SYNM: variants seen among roughly 807,000 people sequenced by gnomAD.
The protein encoded by SYNM is synemin, also known as desmuslin.
SYNM carries 95 observed loss-of-function variants against 104.0 expected under a neutral mutation model. The ratio of observed to expected loss-of-function variants is 0.91; its 90% CI spans 0.77 to 1.08. The LOEUF is 1.08. SYNM is among the 50% of genes least tolerant of loss of function. SYNM has a pLI of 0.00. For synonymous variants in SYNM, 918 were observed against 869.0 expected (o/e 1.06, Z -0.99); for missense variants, 2,150 against 2,052.2 (o/e 1.05, Z -0.92).
chr15:99,127,026 G>T (rs2067454418), intron 3 of SYNM, among the ~76,000 whole-genome samples: 1 of 152,206 alleles, frequency 6.6e-6, no homozygotes, highest in South Asian at 2.1e-4. Context: ...CTCTCGACAG[G>T]ATGCAGGAGC....
downstream of SYNM, chr15:99,137,862 G>T: frequency 7.8e-7 from 1 of 1,290,078 alleles, no homozygotes; most frequent in Non-Finnish European, 1.1e-6. Context: ...GGAGGCTTAT[G>T]GTCTCACTGT....
chr15:99,132,838 C>T lies in SYNM; in HGVS notation c.4478C>T (p.Ala1493Val), dbSNP rs372660853. 131 of 1,613,864 alleles carry T rather than the reference C, an allele frequency of 8.1e-5. 1 individual carries two copies. The highest frequency in any genetic ancestry group is 1.8e-4 in the South Asian group (16 of 91,046). ...GVSDRGSWRD[A>V]DSRNDQAVGV... ...TCTGACCGTGGTTCCTGGAGAGACG[C>T]GGACAGTAGGAATGACCAGGCAGTT... The change falls in exon 4 of 4, where the codon GCG (alanine) becomes GTG (valine). Residue 1493 changes from alanine to valine, a missense_variant. Physicochemically the swap from Ala to Val is moderately conservative, Grantham distance 64. Transcript: ENST00000336292.
chr15:99,105,996 C>T lies in SYNM; in HGVS notation c.797C>T (p.Ala266Val), dbSNP rs140039713. 4.2e-3 allele frequency: 6,144 copies of T among 1,476,488 alleles called. 23 individuals carry two copies. The highest frequency in any genetic ancestry group is 0.028 in the Middle Eastern group (115 of 4,146). The allele number at this position is 1,476,488 out of a possible 1,614,324, so 91.5% of individuals were successfully genotyped here. A position where few individuals can be genotyped will look rare whatever the true frequency, so the allele number is the denominator to read the frequency against. The change falls in exon 1 of 4, where the codon GCC (alanine) becomes GTC (valine). Residue 266 changes from alanine to valine, a missense_variant. Ala to Val is a moderately conservative substitution (Grantham distance 64). Coordinates refer to ENST00000336292, the MANE Select transcript of SYNM (RefSeq NM_145728.3). ...LRMREEYGIQ[A>V]EERQRVIDCL... The stretch of plus-strand genomic sequence containing the variant: ...ATGCGCGAGGAGTACGGGATACAGG[C>T]CGAGGAGCGGCAGGTCCGTGCGCGG...
rs1555485437 is a variant in SYNM, at chr15:99,129,642, T to C, written c.1282T>C (p.Phe428Leu). ...CAGCAGTCAAACCAACGTCAGAACTTTCTCTCCAACCTATGGCCTTTTAAG... is the reference window on the plus strand; with the variant it reads ...CAGCAGTCAAACCAACGTCAGAACTCTCTCTCCAACCTATGGCCTTTTAAG... ...AVSSQTNVRT[F>L]SPTYGLLRNT... Residue 428 changes from phenylalanine to leucine, a missense_variant, in exon 4 of 4, where the codon TTC becomes CTC. Physicochemically the swap from Phe to Leu is conservative, Grantham distance 22. Transcript: ENST00000336292. 3 of 1,613,804 alleles carry C rather than the reference T, an allele frequency of 1.9e-6. No homozygotes were observed. In the African/African-American group the frequency reaches 4.0e-5, roughly 22 times the overall value.
At chr15:99,128,201 A>G (rs1419501723) in intron 3 of SYNM, among the ~76,000 whole-genome samples, 2 of 152,230 alleles carry the variant, frequency 1.3e-5, no homozygotes, top group African/African-American at 4.8e-5. Context: ...AAATATACAG[A>G]TAAGTTCCTA....
chr15:99,130,037 G>A lies in SYNM; in HGVS notation c.1677G>A (p.Glu559=), dbSNP rs782263052. ...AGAGAGAAAGCCAGCAGATGAAGGA[G>A]AAGGCTAAGGAGAAGGACTCACCGA... ...ARQRESQQMK[E]KAKEKDSPKE... Residue 559 remains glutamate, a synonymous_variant, in exon 4 of 4, where the codon GAG becomes GAA. Coordinates refer to ENST00000336292, the MANE Select transcript of SYNM (RefSeq NM_145728.3). 1.9e-6 allele frequency: 3 copies of A among 1,613,770 alleles called. No homozygotes were observed. The highest frequency in any genetic ancestry group is 2.5e-6 in the Non-Finnish European group (3 of 1,179,862).
chr15:99,106,042 A>G, intron 1 of SYNM, 33 bp downstream of exon 1: 8 of 1,407,088 alleles, frequency 5.7e-6, no homozygotes, highest in Non-Finnish European at 6.4e-6. Context: ...CTGACCCCAT[A>G]CCCGCTGCCG....
At chr15:99,111,627 C>G (rs150223943) in intron 1 of SYNM, among the ~76,000 whole-genome samples, 1 of 152,192 alleles carries the variant, frequency 6.6e-6, no homozygotes. Context: ...GCTTTAAAAG[C>G]TAAGGGGTTT....
At chr15:99,126,580 C>T (rs2151807465) in intron 2 of SYNM, 142 bp from the exon 3 acceptor site, 1 of 858,186 alleles carries the variant, frequency 1.2e-6, no homozygotes, top group Non-Finnish European at 1.8e-6. Flanking sequence ...ATGGTGCAGC[C>T]CTGCCCAAGT....
chr15:99,132,861 G>T lies in SYNM; in HGVS notation c.4501G>T (p.Val1501Phe), dbSNP rs369983754. The T allele has an allele frequency of 6.2e-7, 1 of 1,614,010 alleles. No individual in the cohort carries two copies. The highest frequency in any genetic ancestry group is 1.3e-5 in the African/African-American group (1 of 75,066). ...RDADSRNDQA[V>F]GVSFKASAGE... is the part of the protein sequence containing the mutation. ...CGCGGACAGTAGGAATGACCAGGCA[G>T]TTGGTGTGAGCTTTAAGGCCTCTGC... The change falls in exon 4 of 4, where the codon GTT becomes TTT. Residue 1501 changes from valine (V) to phenylalanine (F), a missense_variant. Coordinates refer to ENST00000336292, the MANE Select transcript of SYNM (RefSeq NM_145728.3).
intron 2 of SYNM, among the ~76,000 whole-genome samples, chr15:99,118,301 G>A (rs1219908159): frequency 6.6e-6 from 1 of 152,238 alleles, no homozygotes; most frequent in Non-Finnish European, 1.5e-5. Context: ...GCTCCGATTC[G>A]GAGGACAGGT....
At chr15:99,129,166 T>C in intron 3 of SYNM, 1 of 678,968 alleles carries the variant, frequency 1.5e-6, no homozygotes, top group Non-Finnish European at 2.4e-6. Context: ...TTTGTAGTGC[T>C]ACATTTTATT....
chr15:99,139,519 A>G (rs1447902685), downstream of SYNM: 23 of 1,554,506 alleles, frequency 1.5e-5, no homozygotes, highest in Non-Finnish European at 2.0e-5. Context: ...TGATGGAATT[A>G]GCATGCTCCT....
intron 2 of SYNM, among the ~76,000 whole-genome samples, chr15:99,117,837 G>A (rs1389208930): frequency 6.6e-6 from 1 of 151,908 alleles, no homozygotes; most frequent in Non-Finnish European, 1.5e-5. Flanking sequence ...AGCCGTTTCT[G>A]CTCACTGTCA....
chr15:99,115,469 A>ATTT (rs60387897), intron 2 of SYNM, among the ~76,000 whole-genome samples: 9 of 130,010 alleles, frequency 6.9e-5, no homozygotes, highest in African/African-American at 2.4e-4. Context: ...ATTTTATTCT[A>ATTT]TTTTTTTTTT....
intron 1 of SYNM, among the ~76,000 whole-genome samples, chr15:99,110,210 C>T (rs1555483266): frequency 6.6e-6 from 1 of 152,156 alleles, no homozygotes; most frequent in Non-Finnish European, 1.5e-5. Context: ...CCTTGTTTTA[C>T]GTGGCATTTT....
downstream of SYNM, chr15:99,139,283 T>C (rs782783017): frequency 9.5e-5 from 149 of 1,562,988 alleles, no homozygotes; most frequent in Non-Finnish European, 1.2e-4. Context: ...GGAAAGGGAA[T>C]GAGATAGAGA....
intron 1 of SYNM, among the ~76,000 whole-genome samples, chr15:99,111,312 T>G (rs138120700): frequency 6.6e-6 from 1 of 152,274 alleles, no homozygotes; most frequent in Non-Finnish European, 1.5e-5. Flanking sequence ...GTAATAGTTA[T>G]GTCAAATTTC....
rs1166581603 is a variant in SYNM, at chr15:99,130,568, G to C, written c.2208G>C (p.Gly736=). 1 of 1,613,744 alleles carries C rather than the reference G, an allele frequency of 6.2e-7. No homozygotes were observed. Among genetic ancestry groups the C allele is most frequent in the African/African-American group, 1.3e-5 (1 of 74,914 alleles). ...ACATCATCAACCTCGGCCTGAAAGGGAGGGAGGGGAGAGCAAAGGTCGTCA... is the reference window on the plus strand; with the variant it reads ...ACATCATCAACCTCGGCCTGAAAGGCAGGGAGGGGAGAGCAAAGGTCGTCA... The part of the protein sequence containing the change: ...IGDIINLGLK[G]REGRAKVVNV... The change falls in exon 4 of 4, where the codon GGG becomes GGC. Residue 736 remains glycine (G), a synonymous_variant. Coordinates refer to ENST00000336292, the MANE Select transcript of SYNM (RefSeq NM_145728.3).
Sources: gnomAD v4.1 joint callset for allele counts (sites outside exome capture counted in the v4.1 genomes callset) on GRCh38, gnomAD v4.1.1 for gene constraint, MANE v1.5 for transcripts, NCBI Gene and HGNC (gene_info 2026-07-23, HGNC 2026-07-21) for gene names.